The following FKBP9 variants were observed in gnomAD, a reference collection of about 807,000 sequenced individuals.
The protein encoded by FKBP9 is peptidyl-prolyl cis-trans isomerase FKBP9.
In FKBP9, 27 loss-of-function variants were observed where a neutral mutation model predicts 55.6. The ratio of observed to expected loss-of-function variants is 0.49; its 90% CI spans 0.36 to 0.67. The LOEUF is 0.67. Ranked by LOEUF, FKBP9 falls within the 30% of genes least tolerant of loss-of-function variation. The pLI is 0.00. For synonymous variants in FKBP9, 267 were observed against 296.5 expected (o/e 0.90, Z 1.02); for missense variants, 539 against 742.8 (o/e 0.73, Z 3.19).
At chr7:32,964,844 A>G (rs1359236039) in intron 1 of FKBP9, among the ~76,000 whole-genome samples, 1 of 152,150 alleles carries the variant, frequency 6.6e-6, no homozygotes, top group Non-Finnish European at 1.5e-5. Flanking sequence ...CCCTGCTTTC[A>G]AGTCTGCAGT....
chr7:33,000,905 C>G (rs1194514419), intron 8 of FKBP9, among the ~76,000 whole-genome samples: 1 of 152,088 alleles, frequency 6.6e-6, no homozygotes, highest in Admixed American at 6.6e-5. Context: ...CTCAGTCTCC[C>G]GAGTAGCTGG....
At chr7:32,971,470 T>C (rs1784252539) in intron 1 of FKBP9, among the ~76,000 whole-genome samples, 1 of 152,110 alleles carries the variant, frequency 6.6e-6, no homozygotes, top group Admixed American at 6.6e-5. Context: ...TCTTTCTTCC[T>C]TTCTTCCTTT....
At chr7:32,996,679 TTCC>T (rs1201106958) in intron 7 of FKBP9, among the ~76,000 whole-genome samples, 3 of 132,560 alleles carry the variant, frequency 2.3e-5, no homozygotes, top group Non-Finnish European at 3.2e-5. Flanking sequence ...CCTCCCTCCC[TTCC>T]TCTTCTTTCC....
rs189117197 is a variant in FKBP9, at chr7:32,973,275, C to T, written c.222-1342C>T. Among the ~76,000 whole-genome samples, 476 of 152,278 alleles carry T rather than the reference C, an allele frequency of 3.1e-3. 3 individuals carry two copies. Among genetic ancestry groups the T allele is most frequent in the African/African-American group, 0.011 (443 of 41,542 alleles). ...TTGAAGAAGATAAAGGTGTGAGTCA[C>T]AGCCATGATTTCCTTATTTATCTTT... On this transcript the variant is annotated intron_variant, in intron 1 of 9. Coordinates refer to ENST00000242209, the MANE Select transcript of FKBP9 (RefSeq NM_007270.5).
At chr7:32,998,978 A>ATCG (rs1784871719) in intron 7 of FKBP9, among the ~76,000 whole-genome samples, 1 of 152,194 alleles carries the variant, frequency 6.6e-6, no homozygotes, top group Non-Finnish European at 1.5e-5. Context: ...CTCAAGGAGG[A>ATCG]AGAAGAAACA....
At chr7:32,982,059 C>T in intron 5 of FKBP9, among the ~76,000 whole-genome samples, 1 of 143,440 alleles carries the variant, frequency 7.0e-6, no homozygotes, top group Non-Finnish European at 1.5e-5. Flanking sequence ...CTCACTCTGT[C>T]ACCCAGGCTG....
Position 32,975,388 on chromosome 7 carries a change from A to T in FKBP9, c.557+17A>T, listed in dbSNP as rs748680989. ...TGATTCGAGGTAAGTCCTGTCGTTC[A>T]TGGCAGTATCAGTGAAATGTCCCAT... is the stretch of plus-strand genomic sequence containing the variant. On this transcript the variant is annotated intron_variant, in intron 3 of 9. Transcript: ENST00000242209. 1 of 1,609,152 alleles carries T rather than the reference A, an allele frequency of 6.2e-7. No individual in the cohort carries two copies. The highest frequency in any genetic ancestry group is 8.5e-7 in the Non-Finnish European group (1 of 1,175,550).
At chr7:32,967,750 TTTTTG>T (rs199597652) in intron 1 of FKBP9, among the ~76,000 whole-genome samples, 7,056 of 152,104 alleles carry the variant, frequency 0.046, 381 homozygotes, top group East Asian at 0.19. Context: ...CAGAGTGGTT[TTTTTG>T]TTTTGTTTTG....
At position 32,976,510 on chromosome 7, in the gene FKBP9, C is replaced by T. The variant is rs1784366772; in HGVS notation, c.703+11C>T. 6.4e-7 allele frequency: 1 copy of T among 1,566,990 alleles called. No individual in the cohort carries two copies. Among genetic ancestry groups the T allele is most frequent in the South Asian group, 1.2e-5 (1 of 82,698 alleles). Reference sequence around the variant, plus strand: ...GAGAGGATGGAGATGGTAAGTCCGTCTCCTTCTTGGAGCCACTCTTTCCTA... The same window carrying T: ...GAGAGGATGGAGATGGTAAGTCCGTTTCCTTCTTGGAGCCACTCTTTCCTA... On this transcript the variant is annotated intron_variant, in intron 4 of 9. Coordinates refer to ENST00000242209, the MANE Select transcript of FKBP9 (RefSeq NM_007270.5).
At chr7:33,003,875 G>A (rs577682840) in intron 9 of FKBP9, among the ~76,000 whole-genome samples, 6 of 151,980 alleles carry the variant, frequency 3.9e-5, no homozygotes, top group African/African-American at 1.2e-4. Context: ...TCCTGATGGC[G>A]TCTGGATTTG....
At chr7:32,982,077 G>A (rs1196397793) in intron 5 of FKBP9, among the ~76,000 whole-genome samples, 1 of 147,780 alleles carries the variant, frequency 6.8e-6, no homozygotes, top group Non-Finnish European at 1.5e-5. Flanking sequence ...CTGCAGTGCA[G>A]TGGCACAATC....
intron 6 of FKBP9, among the ~76,000 whole-genome samples, chr7:32,992,356 A>G (rs28608867): frequency 0.2 from 23,869 of 119,478 alleles, 2,255 homozygotes; most frequent in Admixed American, 0.39. Flanking sequence ...AAACCCACCC[A>G]CCGCAGAGGA....
intron 1 of FKBP9, among the ~76,000 whole-genome samples, chr7:32,973,442 A>G (rs1384316609): frequency 1.3e-5 from 2 of 152,018 alleles, no homozygotes; most frequent in Non-Finnish European, 2.9e-5. Flanking sequence ...ACGTTGTTAC[A>G]CAGATCCTGG....
chr7:32,997,849 G>T (rs1395206264), intron 7 of FKBP9, among the ~76,000 whole-genome samples: 1 of 151,976 alleles, frequency 6.6e-6, no homozygotes, highest in African/African-American at 2.4e-5. Flanking sequence ...AAAAAGAAAA[G>T]ACCCTATGGA....
intron 7 of FKBP9, among the ~76,000 whole-genome samples, chr7:32,999,588 G>T (rs1784890483): frequency 6.6e-6 from 1 of 151,212 alleles, no homozygotes. Flanking sequence ...AGCATAACAT[G>T]TTATTTGCGA....
intron 1 of FKBP9, among the ~76,000 whole-genome samples, chr7:32,960,174 G>A (rs1359840760): frequency 2.1e-5 from 3 of 141,090 alleles, no homozygotes; most frequent in Non-Finnish European, 4.5e-5. Context: ...GTGCAATGGT[G>A]CGATCACAGC....
intron 9 of FKBP9, among the ~76,000 whole-genome samples, chr7:33,004,630 C>T (rs551362606): frequency 2.0e-5 from 3 of 152,296 alleles, no homozygotes; most frequent in South Asian, 2.1e-4. Flanking sequence ...TACTGAGCTC[C>T]GCTTTTTGAT....
At chr7:32,969,924 C>T (rs1446892209) in intron 1 of FKBP9, among the ~76,000 whole-genome samples, 3 of 151,902 alleles carry the variant, frequency 2.0e-5, no homozygotes, top group Non-Finnish European at 4.4e-5. Context: ...TGCTTGAACC[C>T]GGGAGGCAGA....
intron 4 of FKBP9, among the ~76,000 whole-genome samples, chr7:32,980,000 A>G (rs1784444071): frequency 6.6e-6 from 1 of 152,064 alleles, no homozygotes; most frequent in African/African-American, 2.4e-5. Context: ...TTTCTCCTTT[A>G]AATGTCTGTG....
Sources: allele counts gnomAD v4.1 joint callset (sites outside exome capture counted in the v4.1 genomes callset), GRCh38; gene constraint gnomAD v4.1.1; transcripts MANE v1.5; gene names NCBI Gene and HGNC (gene_info 2026-07-23, HGNC 2026-07-21).